Variants in STK3 observed in about 807,000 individuals in gnomAD.
STK3 encodes the protein serine/threonine kinase 3, also known as serine/threonine-protein kinase 3.
STK3 carries 41 observed loss-of-function variants against 58.0 expected under a neutral mutation model. That is an observed-to-expected ratio of 0.71 (90% confidence interval 0.55 to 0.92). The LOEUF (loss-of-function observed/expected upper bound fraction) is 0.92. Among genes scored for constraint, STK3 ranks in the 40% least tolerant of loss-of-function variants. The pLI, the probability that STK3 is intolerant of heterozygous loss-of-function variation, is 0.00. For missense variants in STK3, 479 were observed against 602.7 expected (o/e 0.79, Z 2.15); for synonymous variants, 170 against 191.0 (o/e 0.89, Z 0.91).
intron 6 of STK3, among the ~76,000 whole-genome samples, chr8:98,612,542 A>G (rs375297645): frequency 6.6e-6 from 1 of 151,620 alleles, no homozygotes; most frequent in African/African-American, 2.4e-5. Flanking sequence ...CTTGGAACCC[A>G]AGGAACATAA....
At chr8:98,427,971 G>A (rs891960920) in intron 3 of STK3, 6 of 1,498,740 alleles carry the variant, frequency 4.0e-6, no homozygotes, top group Non-Finnish European at 5.4e-6. Context: ...GGCGGCCGGC[G>A]CCTCCAGCAT....
intron 6 of STK3, among the ~76,000 whole-genome samples, chr8:98,649,081 T>C (rs952102371): frequency 2.6e-5 from 4 of 151,948 alleles, no homozygotes; most frequent in Non-Finnish European, 5.9e-5. Context: ...AAACTCAATG[T>C]TACTTTAATC....
At chr8:98,361,509 A>C in the STK3 span, among the ~76,000 whole-genome samples, 1 of 152,056 alleles carries the variant, frequency 6.6e-6, no homozygotes, top group South Asian at 2.1e-4. Context: ...ATGGTTGTTG[A>C]GAGGGTTAAT....
At chr8:98,373,879 A>G (rs4443630) in intron 2 of STK3, among the ~76,000 whole-genome samples, 94,899 of 152,018 alleles carry the variant, frequency 0.62, 30,356 homozygotes, top group Non-Finnish European at 0.68. Flanking sequence ...GATGGGATTT[A>G]ATCTCAGATT....
At chr8:98,736,821 A>G (rs996377539) in intron 4 of STK3, among the ~76,000 whole-genome samples, 3 of 152,176 alleles carry the variant, frequency 2.0e-5, no homozygotes, top group Non-Finnish European at 4.4e-5. Context: ...TAATAAATGA[A>G]GCTCACTATA....
At chr8:98,416,421 G>A (rs1471918492) in intron 3 of STK3, among the ~76,000 whole-genome samples, 1 of 114,010 alleles carries the variant, frequency 8.8e-6, no homozygotes, top group East Asian at 2.8e-4. Context: ...TCTAGCCCCA[G>A]CTAATTAGAA....
rs1284755280 is a variant in STK3, at chr8:98,529,770, CA to C, written c.1142-2854del. On this transcript the variant is annotated intron_variant, in intron 9 of 10. Transcript: ENST00000419617. ...TATGCTATGTGAAATAAGCTAGTAA[CA>C]AAAGAACAAAATACTGTATGATTCC... 2.0e-5 allele frequency among the ~76,000 whole-genome samples: 3 copies of C among 152,162 alleles called. No homozygotes were observed. The South Asian group carries it at 6.2e-4, about 32-fold the overall frequency.
Position 98,569,455 on chromosome 8 carries a change from A to G in STK3, c.948+10209T>C, listed in dbSNP as rs1208812562. On this transcript the variant is annotated intron_variant, in intron 8 of 10. Coordinates refer to ENST00000419617, the MANE Select transcript of STK3 (RefSeq NM_006281.4). ...AGGAATTAGTTCCGATTAGTAAAGGACAGAAGACTATTGAAGGGATGAATC... is the reference window on the plus strand; with the variant it reads ...AGGAATTAGTTCCGATTAGTAAAGGGCAGAAGACTATTGAAGGGATGAATC... 2.0e-5 allele frequency among the ~76,000 whole-genome samples: 3 copies of G among 152,158 alleles called. No homozygotes were observed. The East Asian group carries it at 5.8e-4, about 29-fold the overall frequency.
intron 4 of STK3, among the ~76,000 whole-genome samples, chr8:98,713,734 T>C (rs1451142133): frequency 6.6e-6 from 1 of 151,912 alleles, no homozygotes; most frequent in African/African-American, 2.4e-5. Context: ...CTGAAACTAT[T>C]CCAATCAATA....
intron 1 of STK3, among the ~76,000 whole-genome samples, chr8:98,791,202 A>G (rs1335043114): frequency 6.6e-6 from 1 of 152,172 alleles, no homozygotes; most frequent in East Asian, 1.9e-4. Flanking sequence ...CAAATCAAGA[A>G]CTTAACTCCT....
intron 6 of STK3, among the ~76,000 whole-genome samples, chr8:98,663,538 T>G (rs991830133): frequency 3.3e-5 from 5 of 152,156 alleles, no homozygotes; most frequent in Admixed American, 6.5e-5. Flanking sequence ...CCCAAAAGAT[T>G]ATAAATCATG....
At chr8:98,857,907 A>G (rs1188396018) in intron 3 of STK3, among the ~76,000 whole-genome samples, 2 of 152,074 alleles carry the variant, frequency 1.3e-5, no homozygotes, top group Non-Finnish European at 2.9e-5. Context: ...ATCAGTTAGA[A>G]GCAAAACTGG....
At chr8:98,536,800 C>A (rs1809802167) in intron 9 of STK3, among the ~76,000 whole-genome samples, 1 of 152,214 alleles carries the variant, frequency 6.6e-6, no homozygotes, top group African/African-American at 2.4e-5. Context: ...TGATACATTT[C>A]TATTCCCAAA....
chr8:98,908,291 A>G (rs1169344268), intron 1 of STK3, among the ~76,000 whole-genome samples: 1 of 152,234 alleles, frequency 6.6e-6, no homozygotes. Flanking sequence ...AGTCTTCAGG[A>G]AAGGCAAGAT....
chr8:98,593,589 A>G (rs1815523986), intron 7 of STK3, among the ~76,000 whole-genome samples: 1 of 152,226 alleles, frequency 6.6e-6, no homozygotes. Flanking sequence ...AGATTCTAAC[A>G]GGAGCACAAA....
chr8:98,651,602 A>C (rs1360638832), intron 6 of STK3: 2 of 152,558 alleles, frequency 1.3e-5, no homozygotes, highest in Non-Finnish European at 2.9e-5. Context: ...AAAAAAATTT[A>C]GACGAATGTA....
At chr8:98,406,813 T>C (rs1817998991) in intron 3 of STK3, among the ~76,000 whole-genome samples, 1 of 152,212 alleles carries the variant, frequency 6.6e-6, no homozygotes, top group South Asian at 2.1e-4. Context: ...GCTGATGAGA[T>C]GTAAGATATT....
rs2131449287 is a variant in STK3, at chr8:98,520,349, C to T, written c.1317+6393G>A. ...CATCTCCTTACATTCAGGAACATAA[C>T]ATAAGAAAATCCATAGAAAATCCCA... is the stretch of plus-strand genomic sequence containing the variant. On this transcript the variant is annotated intron_variant, in intron 10 of 10. Transcript: ENST00000419617. Among the ~76,000 whole-genome samples, 3 of 152,152 alleles carry T rather than the reference C, an allele frequency of 2.0e-5. No individual in the cohort carries two copies. In the South Asian group the frequency reaches 6.2e-4, roughly 32 times the overall value.
intron 3 of STK3, among the ~76,000 whole-genome samples, chr8:98,856,845 A>G (rs544588510): frequency 1.3e-5 from 2 of 152,246 alleles, no homozygotes; most frequent in Non-Finnish European, 2.9e-5. Flanking sequence ...AATGTGGTAC[A>G]TCTATGTAAT....
Sources: allele counts gnomAD v4.1 joint callset (sites outside exome capture counted in the v4.1 genomes callset), GRCh38; gene constraint gnomAD v4.1.1; transcripts MANE v1.5; gene names NCBI Gene and HGNC (gene_info 2026-07-23, HGNC 2026-07-21).